Variants in GFRA1 observed in about 807,000 individuals in gnomAD.
GFRA1 encodes the protein GDNF family receptor alpha 1, also known as GDNF family receptor alpha-1.
In GFRA1, 16 loss-of-function variants were observed where a neutral mutation model predicts 51.6. That is an observed-to-expected ratio of 0.31 (90% CI 0.21 to 0.47). The LOEUF (loss-of-function observed/expected upper bound fraction) is 0.47, where lower values mean the gene tolerates loss of function less well. GFRA1 is among the 20% of genes least tolerant of loss of function. GFRA1 has a pLI of 1.00. For synonymous variants in GFRA1, 270 were observed against 241.3 expected (o/e 1.12, Z -1.10); for missense variants, 530 against 594.3 (o/e 0.89, Z 1.13).
intron 5 of GFRA1, among the ~76,000 whole-genome samples, chr10:116,157,579 A>G (rs767398872): frequency 6.6e-6 from 1 of 152,124 alleles, no homozygotes; most frequent in Non-Finnish European, 1.5e-5. Flanking sequence ...ATCTCCAAGT[A>G]ATTTCCTATT....
At chr10:116,191,852 C>T (rs1252212149) in intron 5 of GFRA1, among the ~76,000 whole-genome samples, 1 of 152,050 alleles carries the variant, frequency 6.6e-6, no homozygotes, top group Non-Finnish European at 1.5e-5. Context: ...CATGGTGAAA[C>T]CCCATCTCTA....
In GFRA1 at chr10:116,060,228, G is replaced by T. The variant is rs1954740573; in HGVS notation, c.*4170C>A. The T allele has an allele frequency of 6.6e-6, 1 of 152,174 alleles. No homozygotes were observed. Among genetic ancestry groups the T allele is most frequent in the Non-Finnish European group, 1.5e-5 (1 of 68,046 alleles). 9.4% of individuals were successfully genotyped at this position (152,174 alleles called of 1,614,324 possible). On this transcript the variant is annotated 3_prime_UTR_variant, in exon 11 of 11. Transcript: ENST00000355422. ...AAGCAGAGCCGTGTCAAAGCCAAGA[G>T]GTGTCAGATATACACTTGAGATATC...
chr10:116,259,696 A>G (rs1969157501), intron 4 of GFRA1, among the ~76,000 whole-genome samples: 1 of 152,190 alleles, frequency 6.6e-6, no homozygotes. Context: ...CTTCTAAATA[A>G]AGGATCCTGG....
intron 9 of GFRA1, among the ~76,000 whole-genome samples, chr10:116,071,577 G>A (rs1271166227): frequency 6.6e-6 from 1 of 152,198 alleles, no homozygotes; most frequent in African/African-American, 2.4e-5. Context: ...TCCTAGCCTT[G>A]AAGCTGACAG....
At position 116,058,039 on chromosome 10, in the gene GFRA1, T is replaced by A. The variant is rs145714787; in HGVS notation, c.*6359A>T. 4,841 of 116,078 alleles carry A rather than the reference T, an allele frequency of 0.042. 226 individuals carry two copies. Among genetic ancestry groups the A allele is most frequent in the East Asian group, 0.14 (431 of 3,098 alleles). 7.2% of individuals were successfully genotyped at this position (116,078 alleles called of 1,614,324 possible). On this transcript the variant is annotated 3_prime_UTR_variant, in exon 11 of 11. Transcript: ENST00000355422. ...GTGTGTGTGTGTGTGTGTGTGTGTG[T>A]GTGACAGAGAGAACCACGCTTTATT...
chr10:116,064,549 A>G lies in GFRA1; in HGVS notation c.1252-5T>C. The G allele has an allele frequency of 6.2e-7, 1 of 1,610,610 alleles. No individual in the cohort carries two copies. The highest frequency in any genetic ancestry group is 8.5e-7 in the Non-Finnish European group (1 of 1,177,138). On this transcript the variant is annotated splice_region_variant and splice_polypyrimidine_tract_variant and intron_variant, in intron 10 of 10. Transcript: ENST00000355422. Reference sequence around the variant, plus strand: ...ACCTTCTTTTTCATAATTACCCTGTAAGGAAGAATGGTTTCATTATCATCC... The same window carrying G: ...ACCTTCTTTTTCATAATTACCCTGTGAGGAAGAATGGTTTCATTATCATCC...
chr10:116,225,933 C>G (rs1352856619), intron 4 of GFRA1, among the ~76,000 whole-genome samples: 1 of 152,112 alleles, frequency 6.6e-6, no homozygotes. Flanking sequence ...TGTGCTGTTG[C>G]TATATTTTGA....
At chr10:116,253,157 C>T (rs1259226328) in intron 4 of GFRA1, among the ~76,000 whole-genome samples, 1 of 152,190 alleles carries the variant, frequency 6.6e-6, no homozygotes, top group Non-Finnish European at 1.5e-5. Context: ...TCCACCAATT[C>T]CCCAGGGGCC....
Position 116,125,567 on chromosome 10 carries a change from C to T in GFRA1, c.434-10G>A, listed in dbSNP as rs747617606. 6.2e-7 allele frequency: 1 copy of T among 1,601,642 alleles called. No individual in the cohort carries two copies. Among genetic ancestry groups the T allele is most frequent in the Non-Finnish European group, 8.5e-7 (1 of 1,171,064 alleles). ...TTGGGAATGTGCTCCACTGCAAATG[C>T]AGAGAAAGACAGGCATGGTCACAGT... On this transcript the variant is annotated splice_polypyrimidine_tract_variant and intron_variant, in intron 5 of 10. Transcript: ENST00000355422.
intron 5 of GFRA1, among the ~76,000 whole-genome samples, chr10:116,185,930 A>G (rs557104131): frequency 6.6e-6 from 1 of 152,316 alleles, no homozygotes; most frequent in Non-Finnish European, 1.5e-5. Context: ...CCCCAAGTGG[A>G]TATCCAGACA....
At chr10:116,243,160 A>G (rs1967543054) in intron 4 of GFRA1, among the ~76,000 whole-genome samples, 1 of 152,260 alleles carries the variant, frequency 6.6e-6, no homozygotes, top group Non-Finnish European at 1.5e-5. Context: ...GAATATATTC[A>G]AATATTTGTA....
At chr10:116,187,714 A>C (rs990904567) in intron 5 of GFRA1, among the ~76,000 whole-genome samples, 3 of 152,194 alleles carry the variant, frequency 2.0e-5, no homozygotes, top group East Asian at 3.9e-4. Context: ...AGGCACAAAG[A>C]AAGCATCCAG....
At position 116,125,464 on chromosome 10, in the gene GFRA1, G is replaced by A. The variant is rs1323105417; in HGVS notation, c.527C>T (p.Thr176Ile). The change falls in exon 6 of 11, where the codon ACC (threonine) becomes ATC (isoleucine). Residue 176 changes from threonine (T) to isoleucine (I), a missense_variant. Physicochemically the swap from Thr to Ile is moderately conservative, Grantham distance 89 (BLOSUM62 -1). Coordinates refer to ENST00000355422, the MANE Select transcript of GFRA1 (RefSeq NM_005264.8). ...GTTGGACACGCTGGTGGTGCACGGG[G>A]TGATGTACGCCGACCTGTACTTCTT... is the stretch of plus-strand genomic sequence containing the variant. ...ICKKYRSAYI[T>I]PCTTSVSNDV... The A allele has an allele frequency of 4.3e-6, 7 of 1,614,016 alleles. No individual in the cohort carries two copies. The highest frequency in any genetic ancestry group is 4.5e-5 in the East Asian group (2 of 44,892).
chr10:116,173,076 T>A (rs770599070), intron 5 of GFRA1, among the ~76,000 whole-genome samples: 2 of 152,254 alleles, frequency 1.3e-5, no homozygotes, highest in Admixed American at 6.5e-5. Context: ...GTGGAATATA[T>A]TCTATGTGCC....
In GFRA1 at chr10:116,272,105, G is replaced by T; in HGVS notation, c.-76C>A. 1 of 1,272,600 alleles carries T rather than the reference G, an allele frequency of 7.9e-7. No homozygotes were observed. The highest frequency in any genetic ancestry group is 1.3e-5 in the South Asian group (1 of 78,470). 78.8% of individuals were successfully genotyped at this position (1,272,600 alleles called of 1,614,324 possible). A position where few individuals can be genotyped will look rare whatever the true frequency, so the allele number is the denominator to read the frequency against. ...CGCTGGGTCTTGCCGAGGGAGCTCA[G>T]CGTGCAGCGATCCCCGGACAGCTGT... is the stretch of plus-strand genomic sequence containing the variant. On this transcript the variant is annotated 5_prime_UTR_variant, in exon 2 of 11. In the 5' UTR this introduces an upstream ATG that the reference lacks. Transcript: ENST00000355422. The surrounding 1 kb of genome is among the most constrained non-coding windows in gnomAD (Gnocchi z 4.4).
intron 9 of GFRA1, among the ~76,000 whole-genome samples, chr10:116,070,297 C>A (rs1335195709): frequency 3.3e-5 from 5 of 152,218 alleles, no homozygotes; most frequent in Non-Finnish European, 7.3e-5. Flanking sequence ...CCAGCACTCA[C>A]TAAGTACCTA....
intron 9 of GFRA1, among the ~76,000 whole-genome samples, chr10:116,068,539 A>G (rs781538479): frequency 6.6e-6 from 1 of 152,158 alleles, no homozygotes; most frequent in Non-Finnish European, 1.5e-5. Context: ...CTGCAGAGAG[A>G]GGGTCAGAGC....
intron 9 of GFRA1, 45 bp downstream of exon 9, chr10:116,089,696 C>A (rs781550145): frequency 9.8e-6 from 15 of 1,532,310 alleles, no homozygotes; most frequent in Admixed American, 8.3e-5. Context: ...TTCACCCCCC[C>A]ACCAGGAAGG....
At chr10:116,115,495 C>T (rs1397654301) in intron 6 of GFRA1, among the ~76,000 whole-genome samples, 1 of 152,076 alleles carries the variant, frequency 6.6e-6, no homozygotes, top group Non-Finnish European at 1.5e-5. Flanking sequence ...CCCAGCCCAG[C>T]CCTGCCCTGC....
Sources: gnomAD v4.1 joint callset for allele counts (sites outside exome capture counted in the v4.1 genomes callset) on GRCh38, gnomAD v4.1.1 for gene constraint, Gnocchi (gnomAD v3.1) non-coding constraint, MANE v1.5 for transcripts, NCBI Gene and HGNC (gene_info 2026-07-23, HGNC 2026-07-21) for gene names.